Variants in SLC16A7 observed in about 807,000 individuals in gnomAD.
SLC16A7 encodes solute carrier family 16 member 7, also known as monocarboxylate transporter 2.
Under a neutral mutation model 34.9 loss-of-function variants are expected in SLC16A7, and 33 were observed. The ratio of observed to expected loss-of-function variants is 0.94; its 90% CI spans 0.72 to 1.26. The LOEUF (loss-of-function observed/expected upper bound fraction) is 1.26, where lower values mean the gene tolerates loss of function less well. Among genes scored for constraint, SLC16A7 ranks in the 50% most tolerant of loss-of-function variants. The pLI is 0.00. For missense variants in SLC16A7, 573 were observed against 578.1 expected, an observed-to-expected ratio of 0.99 and a Z score of 0.09; for synonymous variants, 201 against 206.6, an observed-to-expected ratio of 0.97 and a Z score of 0.23.
At chr12:59,619,258 A>G (rs1255362293) in intron 1 of SLC16A7, among the ~76,000 whole-genome samples, 1 of 151,038 alleles carries the variant, frequency 6.6e-6, no homozygotes, top group African/African-American at 2.5e-5. Flanking sequence ...CATGCATTGT[A>G]TTACACAATC....
At chr12:59,668,083 G>T (rs768614067) in intron 2 of SLC16A7, among the ~76,000 whole-genome samples, 1 of 152,234 alleles carries the variant, frequency 6.6e-6, no homozygotes, top group Non-Finnish European at 1.5e-5. Flanking sequence ...AGATGCACAG[G>T]CACAAGTTTG....
intron 2 of SLC16A7, among the ~76,000 whole-genome samples, chr12:59,689,765 G>T (rs556529426): frequency 1.3e-5 from 2 of 152,098 alleles, no homozygotes; most frequent in East Asian, 3.9e-4. Flanking sequence ...AAACACCAGA[G>T]AATCTTTGGA....
intron 1 of SLC16A7, among the ~76,000 whole-genome samples, chr12:59,604,362 G>A (rs1488394175): frequency 6.6e-6 from 1 of 152,214 alleles, no homozygotes; most frequent in Non-Finnish European, 1.5e-5. Context: ...AACCACTGGA[G>A]GATGATAGGA....
chr12:59,657,735 T>A (rs1228103020), intron 2 of SLC16A7, among the ~76,000 whole-genome samples: 1 of 151,968 alleles, frequency 6.6e-6, no homozygotes, highest in East Asian at 1.9e-4. Context: ...TCGACCAACA[T>A]GTGTTACATA....
intron 2 of SLC16A7, among the ~76,000 whole-genome samples, chr12:59,665,423 T>G (rs1233969197): frequency 6.6e-6 from 1 of 152,078 alleles, no homozygotes; most frequent in East Asian, 1.9e-4. Context: ...TTTGTAACTA[T>G]GTATGTGTAC....
chr12:59,655,163 A>G lies in SLC16A7; in HGVS notation c.-118A>G, dbSNP rs1182570633. On this transcript the variant is annotated 5_prime_UTR_variant, in exon 2 of 6. Coordinates refer to ENST00000547379, the MANE Select transcript of SLC16A7 (RefSeq NM_001270623.2). ...TTTGATTCTTCTAGGAGTCAATCTT[A>G]AGATGTGATACTTTCCTGTGAAACC... is the stretch of plus-strand genomic sequence containing the variant. 1 of 151,846 alleles carries G rather than the reference A, an allele frequency of 6.6e-6. No homozygotes were observed. Among genetic ancestry groups the G allele is most frequent in the East Asian group, 1.9e-4 (1 of 5,166 alleles). The allele number at this position is 151,846 out of a possible 1,614,324, so 9.4% of individuals were successfully genotyped here. A position where few individuals can be genotyped will look rare whatever the true frequency, so the allele number is the denominator to read the frequency against.
intron 3 of SLC16A7, among the ~76,000 whole-genome samples, chr12:59,727,170 A>ATATATATATATATATAAAAT (rs1555174538): frequency 0.01 from 1,463 of 144,032 alleles, 39 homozygotes; most frequent in African/African-American, 0.037. Context: ...ATATATATAT[A>ATATATATATATATATAAAAT]ATATATATAT....
At chr12:59,624,894 T>C (rs1879859297) in intron 1 of SLC16A7, among the ~76,000 whole-genome samples, 1 of 151,768 alleles carries the variant, frequency 6.6e-6, no homozygotes, top group African/African-American at 2.4e-5. Context: ...GCCCTGGGCT[T>C]TGTGGCTTGT....
intron 3 of SLC16A7, among the ~76,000 whole-genome samples, chr12:59,733,390 G>A (rs963062230): frequency 1.3e-5 from 2 of 152,106 alleles, no homozygotes; most frequent in African/African-American, 2.4e-5. Context: ...GCAGCTCCAG[G>A]CGCTGGCAAA....
At chr12:59,638,519 C>T (rs1367617964) in intron 1 of SLC16A7, among the ~76,000 whole-genome samples, 1 of 152,116 alleles carries the variant, frequency 6.6e-6, no homozygotes, top group Non-Finnish European at 1.5e-5. Context: ...ACAGACCTGA[C>T]TTTTAACATC....
chr12:59,765,550 T>C (rs1881513740), intron 3 of SLC16A7, among the ~76,000 whole-genome samples: 1 of 152,244 alleles, frequency 6.6e-6, no homozygotes, highest in Admixed American at 6.5e-5. Context: ...TTTCTACATA[T>C]GGCTAGCCAG....
At chr12:59,767,844 C>CA (rs575694924) in intron 3 of SLC16A7, among the ~76,000 whole-genome samples, 197 of 146,610 alleles carry the variant, frequency 1.3e-3, no homozygotes, top group South Asian at 5.1e-3. Flanking sequence ...ATCGCAAGGA[C>CA]AAAAAACCAA....
intron 3 of SLC16A7, among the ~76,000 whole-genome samples, chr12:59,724,545 G>A (rs1310727552): frequency 6.6e-6 from 1 of 151,768 alleles, no homozygotes; most frequent in African/African-American, 2.4e-5. Context: ...TATTTACTTG[G>A]AAGTAATACC....
At chr12:59,685,238 GT>G (rs1397229770) in intron 2 of SLC16A7, among the ~76,000 whole-genome samples, 1 of 152,094 alleles carries the variant, frequency 6.6e-6, no homozygotes, top group African/African-American at 2.4e-5. Context: ...CATTATCAGT[GT>G]TTAGTGTTTA....
chr12:59,670,497 A>G (rs1869589109), intron 2 of SLC16A7, among the ~76,000 whole-genome samples: 1 of 152,122 alleles, frequency 6.6e-6, no homozygotes. Flanking sequence ...TAACCATTCC[A>G]ACATCAATTC....
intron 3 of SLC16A7, among the ~76,000 whole-genome samples, chr12:59,751,102 C>A (rs1484512837): frequency 6.6e-6 from 1 of 152,102 alleles, no homozygotes; most frequent in Non-Finnish European, 1.5e-5. Flanking sequence ...AGAAGAAATA[C>A]CTGGATCGCT....
At chr12:59,667,006 G>A (rs1335598100) in intron 2 of SLC16A7, among the ~76,000 whole-genome samples, 2 of 152,130 alleles carry the variant, frequency 1.3e-5, no homozygotes, top group Non-Finnish European at 2.9e-5. Context: ...TGGCTGGGGA[G>A]GCCTTAGAAT....
At chr12:59,678,005 G>A (rs1870443027) in intron 2 of SLC16A7, among the ~76,000 whole-genome samples, 1 of 152,160 alleles carries the variant, frequency 6.6e-6, no homozygotes, top group South Asian at 2.1e-4. Context: ...TGCTCTGCTG[G>A]CCTGAATATC....
chr12:59,700,648 G>C (rs529582517), intron 2 of SLC16A7, among the ~76,000 whole-genome samples: 2 of 150,854 alleles, frequency 1.3e-5, no homozygotes, highest in Non-Finnish European at 3.0e-5. Flanking sequence ...ATATACACAC[G>C]TACATATATG....
Sources: gnomAD v4.1 joint callset for allele counts (sites outside exome capture counted in the v4.1 genomes callset) on GRCh38, gnomAD v4.1.1 for gene constraint, MANE v1.5 for transcripts, NCBI Gene and HGNC (gene_info 2026-07-23, HGNC 2026-07-21) for gene names.